The following GLYAT variants were observed in gnomAD, a reference collection of about 807,000 sequenced individuals.
The protein encoded by GLYAT is glycine N-acyltransferase.
In GLYAT, 25 loss-of-function variants were observed where a neutral mutation model predicts 22.8. The ratio of observed to expected loss-of-function variants is 1.09; its 90% CI spans 0.80 to 1.53. The LOEUF (loss-of-function observed/expected upper bound fraction) is 1.53. GLYAT is among the 40% of genes most tolerant of loss of function. GLYAT has a pLI of 0.00. For synonymous variants in GLYAT, 140 were observed against 122.7 expected (o/e 1.14, Z -0.93); for missense variants, 411 against 353.9 (o/e 1.16, Z -1.29).
intron 2 of GLYAT, among the ~76,000 whole-genome samples, chr11:58,722,233 T>C (rs1015519488): frequency 2.0e-5 from 3 of 151,946 alleles, no homozygotes; most frequent in African/African-American, 7.2e-5. Context: ...GTCAGGGGCA[T>C]CTCCACTCAG....
At chr11:58,727,378 C>T (rs1376664742) in intron 1 of GLYAT, among the ~76,000 whole-genome samples, 1 of 152,178 alleles carries the variant, frequency 6.6e-6, no homozygotes. Context: ...GCAGACTTGT[C>T]TTCAAGCCAG....
At position 58,709,725 on chromosome 11, in the gene GLYAT, G is replaced by A. The variant is rs371167351; in HGVS notation, c.*41C>T. The A allele has an allele frequency of 4.2e-5, 66 of 1,557,560 alleles. No homozygotes were observed. The highest frequency in any genetic ancestry group is 3.5e-4 in the Middle Eastern group (2 of 5,758). The stretch of plus-strand genomic sequence containing the variant: ...CCACCATCCACTCCTCAAATTATAC[G>A]CCCAGACCTGCCCAACACTGTCTTA... On this transcript the variant is annotated 3_prime_UTR_variant, in exon 6 of 6. Coordinates refer to ENST00000344743, the MANE Select transcript of GLYAT (RefSeq NM_201648.3).
intron 1 of GLYAT, among the ~76,000 whole-genome samples, chr11:58,731,420 ATG>A (rs1417288454): frequency 6.6e-6 from 1 of 152,176 alleles, no homozygotes; most frequent in Non-Finnish European, 1.5e-5. Context: ...GTTGTCAGAT[ATG>A]TGTTTCTTAA....
Position 58,710,634 on chromosome 11 carries a change from C to T in GLYAT, c.444G>A (p.Leu148=). ...CATTGGGAGATAAAATCTTTGATTTCAGCAGGAAAGGAGTCAGTTCCTTGG... is the reference window on the plus strand; with the variant it reads ...CATTGGGAGATAAAATCTTTGATTTTAGCAGGAAAGGAGTCAGTTCCTTGG... ...ETAKELTPFL[L]KSKILSPNGG... is the part of the protein sequence containing the mutation. Residue 148 remains leucine, a synonymous_variant, in exon 5 of 6, where the codon CTG becomes CTA. Coordinates refer to ENST00000344743, the MANE Select transcript of GLYAT (RefSeq NM_201648.3). 1 of 1,609,540 alleles carries T rather than the reference C, an allele frequency of 6.2e-7. No homozygotes were observed. The highest frequency in any genetic ancestry group is 8.5e-7 in the Non-Finnish European group (1 of 1,175,832).
intron 1 of GLYAT, among the ~76,000 whole-genome samples, chr11:58,724,740 A>G (rs1856794893): frequency 6.6e-6 from 1 of 151,996 alleles, no homozygotes; most frequent in Non-Finnish European, 1.5e-5. Context: ...CATTAATTTC[A>G]TTTTAGATTT....
chr11:58,721,165 C>A (rs1357608622), intron 2 of GLYAT, among the ~76,000 whole-genome samples: 1 of 151,304 alleles, frequency 6.6e-6, no homozygotes, highest in Non-Finnish European at 1.5e-5. Context: ...TTTTTTCTAT[C>A]TTAGAATTTC....
In GLYAT at chr11:58,710,118, A is replaced by G; in HGVS notation, c.539T>C (p.Leu180Ser). 1 of 1,614,106 alleles carries G rather than the reference A, an allele frequency of 6.2e-7. No individual in the cohort carries two copies. Among genetic ancestry groups the G allele is most frequent in the South Asian group, 1.1e-5 (1 of 91,076 alleles). ...ACCAAAATGCCAGAATTTATTCACC[A>G]AGTGAGCATGGGTAACATCCATGGA... ...LSSMDVTHAH[L>S]VNKFWHFGGN... Residue 180 changes from leucine to serine, a missense_variant, in exon 6 of 6, where the codon TTG becomes TCG. Coordinates refer to ENST00000344743, the MANE Select transcript of GLYAT (RefSeq NM_201648.3).
At chr11:58,728,911 A>AAGGG (rs1856842204) in intron 1 of GLYAT, among the ~76,000 whole-genome samples, 1 of 146,606 alleles carries the variant, frequency 6.8e-6, no homozygotes, top group East Asian at 2.0e-4. Flanking sequence ...GGAAGGAAGG[A>AAGGG]AGGAAGGAAG....
intron 1 of GLYAT, among the ~76,000 whole-genome samples, chr11:58,730,982 T>A (rs1856865752): frequency 6.6e-6 from 1 of 152,052 alleles, no homozygotes; most frequent in African/African-American, 2.4e-5. Context: ...TGAGAAAATA[T>A]AGGACACAAA....
intron 2 of GLYAT, among the ~76,000 whole-genome samples, chr11:58,720,879 A>T (rs1372559107): frequency 1.3e-5 from 2 of 152,004 alleles, no homozygotes; most frequent in Non-Finnish European, 2.9e-5. Context: ...AATTCTTAAG[A>T]CATTTCTACT....
chr11:58,727,150 G>A (rs1019275597), intron 1 of GLYAT, among the ~76,000 whole-genome samples: 1 of 152,162 alleles, frequency 6.6e-6, no homozygotes, highest in Admixed American at 6.5e-5. Flanking sequence ...GCAGAGCTGG[G>A]GTTTCAATTA....
At position 58,710,163 on chromosome 11, in the gene GLYAT, TG is replaced by T; in HGVS notation, c.493del (p.Gln165LysfsTer17). The T allele has an allele frequency of 6.2e-7, 1 of 1,611,180 alleles. No homozygotes were observed. Among genetic ancestry groups the T allele is most frequent in the Non-Finnish European group, 8.5e-7 (1 of 1,178,316 alleles). On this transcript the variant is annotated frameshift_variant, in exon 6 of 6. Transcript: ENST00000344743. LOFTEE classifies it low-confidence loss of function (END_TRUNC). ...PNGGKPKAIN[Q>X]EMFKLSSMDV... ...CATGGATGAGAGTTTAAACATCTCT[TG>T]GTTGCTATGGAGGGTCCAAGAAGAA... is the stretch of plus-strand genomic sequence containing the variant.
At position 58,728,980 on chromosome 11, in the gene GLYAT, A is replaced by AAAGG. The variant is rs939019144; in HGVS notation, c.-16+2851_-16+2854dup. Among the ~76,000 whole-genome samples the AAAGG allele has an allele frequency of 8.6e-5, 13 of 151,604 alleles. No individual in the cohort carries two copies. The East Asian group carries it at 2.5e-3, about 29-fold the overall frequency. On this transcript the variant is annotated intron_variant, in intron 1 of 5. Transcript: ENST00000344743. Reference sequence around the variant, plus strand: ...AAAGAAAAGAAAGGAAGGAAGGAAGAAAGGAAGGAAGGAAGTTCCTAGAGT... The same window carrying AAAGG: ...AAAGAAAAGAAAGGAAGGAAGGAAGAAAGGAAGGAAGGAAGGAAGTTCCTAGAGT...
chr11:58,718,398 A>C (rs972056616), intron 2 of GLYAT, among the ~76,000 whole-genome samples: 1 of 152,072 alleles, frequency 6.6e-6, no homozygotes, highest in Non-Finnish European at 1.5e-5. Flanking sequence ...TTTAAGTAAA[A>C]TGTGAAAAAG....
chr11:58,723,436 T>A (rs2134493025), intron 2 of GLYAT, among the ~76,000 whole-genome samples: 1 of 152,204 alleles, frequency 6.6e-6, no homozygotes, highest in South Asian at 2.1e-4. Flanking sequence ...GTTGTCTCAA[T>A]GCATCTCTGA....
At position 58,721,779 on chromosome 11, in the gene GLYAT, C is replaced by T. The variant is rs1341052243; in HGVS notation, c.81+2637G>A. 2.0e-5 allele frequency among the ~76,000 whole-genome samples: 3 copies of T among 151,978 alleles called. No individual in the cohort carries two copies. The East Asian group carries it at 5.8e-4, about 29-fold the overall frequency. On this transcript the variant is annotated intron_variant, in intron 2 of 5. Transcript: ENST00000344743. ...TGACCTTATAATGTAAATAAAGCCC[C>T]TTTAGTAGTTAAAATTCAAAATCTT...
chr11:58,711,942 G>A (rs181203444), intron 4 of GLYAT, among the ~76,000 whole-genome samples: 298 of 152,314 alleles, frequency 2.0e-3, no homozygotes, highest in African/African-American at 6.8e-3. Context: ...CAGCCTGCTA[G>A]CGACACATGT....
At chr11:58,717,121 TG>T (rs892348366) in intron 2 of GLYAT, among the ~76,000 whole-genome samples, 4 of 151,890 alleles carry the variant, frequency 2.6e-5, no homozygotes, top group East Asian at 3.9e-4. Context: ...TTTAGGGATT[TG>T]GGGGGGCCCA....
intron 3 of GLYAT, among the ~76,000 whole-genome samples, chr11:58,714,353 T>A (rs1798535680): frequency 6.6e-6 from 1 of 152,202 alleles, no homozygotes; most frequent in African/African-American, 2.4e-5. Context: ...GATTTTTAAA[T>A]AACTTTATTA....
Sources: allele counts gnomAD v4.1 joint callset (sites outside exome capture counted in the v4.1 genomes callset), GRCh38; gene constraint gnomAD v4.1.1; transcripts MANE v1.5; gene names NCBI Gene and HGNC (gene_info 2026-07-23, HGNC 2026-07-21).